Variants in CPM observed in about 807,000 individuals in gnomAD.
CPM encodes the protein renal carboxypeptidase.
CPM carries 35 observed loss-of-function variants against 46.4 expected under a neutral mutation model. The observed-to-expected ratio is 0.75, with a 90% CI of 0.58 to 1.00. CPM has a LOEUF of 1.00. Ranked by LOEUF, CPM falls within the 50% of genes least tolerant of loss-of-function variation. CPM has a pLI of 0.00. For missense variants in CPM, 422 were observed against 530.4 expected, an observed-to-expected ratio of 0.80 and a Z score of 2.01; for synonymous variants, 195 against 195.3, an observed-to-expected ratio of 1.00 and a Z score of 0.01.
At chr12:68,929,423 C>G (rs189482613) in intron 2 of CPM, among the ~76,000 whole-genome samples, 7 of 152,138 alleles carry the variant, frequency 4.6e-5, no homozygotes, top group Non-Finnish European at 1.0e-4. Context: ...ATTGAACGAA[C>G]GAACTGATGA....
At chr12:68,883,661 G>A (rs1436535814) in intron 3 of CPM, among the ~76,000 whole-genome samples, 1 of 152,138 alleles carries the variant, frequency 6.6e-6, no homozygotes, top group African/African-American at 2.4e-5. Context: ...AAATTCGGGG[G>A]TAGGGGACGG....
chr12:68,960,677 A>AAT (rs1036537961), intron 1 of CPM, among the ~76,000 whole-genome samples: 59 of 152,170 alleles, frequency 3.9e-4, no homozygotes, highest in African/African-American at 1.3e-3. Flanking sequence ...CTTTTGTTAA[A>AAT]ATATATATAT....
At chr12:68,932,569 C>T (rs1888553594) in intron 2 of CPM, 109 bp downstream of exon 2, 7 of 1,305,098 alleles carry the variant, frequency 5.4e-6, no homozygotes. Flanking sequence ...TTGTTCTGTG[C>T]CACTCAGAGT....
chr12:68,907,518 C>T (rs774435901), intron 2 of CPM, among the ~76,000 whole-genome samples: 10 of 152,124 alleles, frequency 6.6e-5, no homozygotes, highest in Non-Finnish European at 1.3e-4. Context: ...TTGATAGATG[C>T]ATTGGAACTT....
upstream of CPM, among the ~76,000 whole-genome samples, chr12:68,936,986 G>A (rs1216961266): frequency 6.6e-6 from 1 of 152,128 alleles, no homozygotes; most frequent in African/African-American, 2.4e-5. Context: ...CAAGTTAAAA[G>A]GGTAAAGTAA....
intron 3 of CPM, among the ~76,000 whole-genome samples, chr12:68,872,295 C>T (rs543299883): frequency 6.7e-6 from 1 of 150,328 alleles, no homozygotes; most frequent in Admixed American, 6.6e-5. Flanking sequence ...CTCCGTCACC[C>T]AGGCTGGAGT....
At chr12:68,943,484 C>G (rs542206961) in intron 1 of CPM, among the ~76,000 whole-genome samples, 29 of 152,272 alleles carry the variant, frequency 1.9e-4, no homozygotes, top group African/African-American at 6.3e-4. Flanking sequence ...TTTCCACATC[C>G]CAGCTCCTTC....
chr12:68,933,106 A>G (rs948947021), intron 1 of CPM, 36 bp downstream of exon 1: 3 of 362,150 alleles, frequency 8.3e-6, no homozygotes, highest in African/African-American at 6.5e-5. Flanking sequence ...GGCAGCTGCC[A>G]CAGCTGCGCC....
At chr12:68,883,433 C>G (rs1390543426) in intron 3 of CPM, among the ~76,000 whole-genome samples, 1 of 152,014 alleles carries the variant, frequency 6.6e-6, no homozygotes, top group African/African-American at 2.4e-5. Context: ...TCTTACTAGC[C>G]CCATAGAGCC....
intron 1 of CPM, among the ~76,000 whole-genome samples, chr12:68,938,895 A>G (rs1888714375): frequency 6.9e-6 from 1 of 144,294 alleles, no homozygotes; most frequent in Non-Finnish European, 1.5e-5. Context: ...TTATATATGT[A>G]CATACATATA....
chr12:68,888,470 C>T (rs911269092), intron 2 of CPM, among the ~76,000 whole-genome samples: 3 of 152,192 alleles, frequency 2.0e-5, no homozygotes, highest in South Asian at 2.1e-4. Flanking sequence ...GAAAACTATT[C>T]TTTGGAATGA....
chr12:68,893,843 T>C (rs907494237), intron 2 of CPM, among the ~76,000 whole-genome samples: 3 of 152,200 alleles, frequency 2.0e-5, no homozygotes, highest in African/African-American at 7.2e-5. Context: ...TGGAACTCAG[T>C]GGTCCCCAGG....
At chr12:68,962,166 C>T (rs376692348) in intron 1 of CPM, among the ~76,000 whole-genome samples, 1 of 149,748 alleles carries the variant, frequency 6.7e-6, no homozygotes, top group Admixed American at 6.7e-5. Flanking sequence ...CGCCACTGCA[C>T]TCCAGCCTGG....
intron 1 of CPM, among the ~76,000 whole-genome samples, chr12:68,951,617 A>T (rs898277234): frequency 6.6e-6 from 1 of 152,180 alleles, no homozygotes; most frequent in Non-Finnish European, 1.5e-5. Flanking sequence ...GGTTCTCATC[A>T]TCGTTAGGGT....
chr12:68,883,879 G>A (rs1388351359), intron 3 of CPM, among the ~76,000 whole-genome samples: 1 of 150,818 alleles, frequency 6.6e-6, no homozygotes, highest in Non-Finnish European at 1.5e-5. Flanking sequence ...CGGATCACCT[G>A]AGGTCAGGGG....
intron 3 of CPM, among the ~76,000 whole-genome samples, chr12:68,876,335 T>C (rs928992845): frequency 6.6e-6 from 1 of 152,210 alleles, no homozygotes; most frequent in Non-Finnish European, 1.5e-5. Flanking sequence ...AAATCCTCCT[T>C]TCTTTTTGGG....
chr12:68,920,337 G>A (rs1204190607), intron 2 of CPM, among the ~76,000 whole-genome samples: 12 of 152,218 alleles, frequency 7.9e-5, no homozygotes, highest in South Asian at 2.1e-4. Context: ...CTGTAGAATC[G>A]CCACATGTTA....
intron 5 of CPM, chr12:68,843,161 A>G (rs1470223700): frequency 4.5e-6 from 1 of 223,950 alleles, no homozygotes; most frequent in Non-Finnish European, 8.9e-6. Context: ...GTGTCTGTTA[A>G]TTGCACACAA....
intron 3 of CPM, among the ~76,000 whole-genome samples, chr12:68,879,008 T>C (rs1404841989): frequency 6.6e-6 from 1 of 152,096 alleles, no homozygotes; most frequent in Non-Finnish European, 1.5e-5. Flanking sequence ...AGCAACACTG[T>C]GGGACCCCAT....
Sources: gnomAD v4.1 joint callset for allele counts (sites outside exome capture counted in the v4.1 genomes callset) on GRCh38, gnomAD v4.1.1 for gene constraint, MANE v1.5 for transcripts, NCBI Gene and HGNC (gene_info 2026-07-23, HGNC 2026-07-21) for gene names.